The following WDFY4 variants were observed in gnomAD, a reference collection of about 807,000 sequenced individuals.
WDFY4 encodes WDFY family member 4, also known as WD repeat- and FYVE domain-containing protein 4.
Under a neutral mutation model 351.9 loss-of-function variants are expected in WDFY4, and 169 were observed. The observed-to-expected ratio is 0.48, with a 90% CI of 0.42 to 0.55. WDFY4 has a LOEUF of 0.55. Among genes scored for constraint, WDFY4 ranks in the 20% least tolerant of loss-of-function variants. WDFY4 has a pLI of 0.00. For missense variants in WDFY4, 3,803 were observed against 3,935.6 expected, an observed-to-expected ratio of 0.97 and a Z score of 0.90; for synonymous variants, 1,622 against 1,574.6, an observed-to-expected ratio of 1.03 and a Z score of -0.71.
chr10:48,811,708 A>G lies in WDFY4; in HGVS notation c.5214A>G (p.Lys1738=). Residue 1738 remains lysine, a splice_region_variant and synonymous_variant, in exon 30 of 62, where the codon AAA becomes AAG. Coordinates refer to ENST00000325239, the MANE Select transcript of WDFY4 (RefSeq NM_001394531.1). Reference sequence around the variant, plus strand: ...TCACAGAGCTGATGGACGGGCCCAAAGTAGGTTTTCAGAGCACCCACAGGG... The same window carrying G: ...TCACAGAGCTGATGGACGGGCCCAAGGTAGGTTTTCAGAGCACCCACAGGG... ...TPLTELMDGP[K]DSLDAMLQWL... is the part of the protein sequence containing the mutation. 6.4e-7 allele frequency: 1 copy of G among 1,551,578 alleles called. No individual in the cohort carries two copies. The highest frequency in any genetic ancestry group is 1.4e-5 in the African/African-American group (1 of 73,150).
intron 47 of WDFY4, among the ~76,000 whole-genome samples, chr10:48,903,933 C>G (rs1318866683): frequency 6.6e-6 from 1 of 152,130 alleles, no homozygotes; most frequent in African/African-American, 2.4e-5. Context: ...ATGGGCAGAG[C>G]CAGCTGAAGA....
chr10:48,938,224 G>A (rs775928680), intron 47 of WDFY4, among the ~76,000 whole-genome samples: 1 of 152,238 alleles, frequency 6.6e-6, no homozygotes, highest in Non-Finnish European at 1.5e-5. Context: ...AATTTGGAGA[G>A]GCAGCAGGAT....
At chr10:48,827,431 C>T (rs1270200953) in intron 36 of WDFY4, among the ~76,000 whole-genome samples, 1 of 149,978 alleles carries the variant, frequency 6.7e-6, no homozygotes, top group Non-Finnish European at 1.5e-5. Flanking sequence ...CTTGAAGCCC[C>T]AAGTTTGGAA....
chr10:48,876,669 T>A (rs902731378), intron 42 of WDFY4, among the ~76,000 whole-genome samples: 2 of 152,198 alleles, frequency 1.3e-5, no homozygotes, highest in African/African-American at 4.8e-5. Context: ...AAAGAGTGAA[T>A]GAAGTGAAAT....
chr10:48,760,588 A>C (rs1190949605), intron 13 of WDFY4, 148 bp downstream of exon 13: 1 of 764,894 alleles, frequency 1.3e-6, no homozygotes, highest in Non-Finnish European at 2.1e-6. Context: ...CTATAGTGGG[A>C]AAGTACCAGG....
chr10:48,873,742 C>T, intron 41 of WDFY4, 45 bp downstream of exon 41: 1 of 1,539,316 alleles, frequency 6.5e-7, no homozygotes, highest in Non-Finnish European at 8.8e-7. Context: ...CAGGTAGGGC[C>T]TGATAGGAAA....
chr10:48,899,045 A>T lies in WDFY4; in HGVS notation c.7438-1176A>T, dbSNP rs188223033. On this transcript the variant is annotated intron_variant, in intron 45 of 61. Coordinates refer to ENST00000325239, the MANE Select transcript of WDFY4 (RefSeq NM_001394531.1). ...TATGTCTACCTCACATGTTATATAG[A>T]GTAGCAGATAGGTATCAGTCAGTGG... 1.2e-4 allele frequency among the ~76,000 whole-genome samples: 18 copies of T among 152,296 alleles called. No individual in the cohort carries two copies. In the East Asian group the frequency reaches 3.5e-3, roughly 29 times the overall value.
In WDFY4 at chr10:48,805,274, A is replaced by G. The variant is rs1313746578; in HGVS notation, c.4499A>G (p.Asn1500Ser). The change falls in exon 26 of 62, where the codon AAT (asparagine) becomes AGT (serine). Residue 1500 changes from asparagine to serine, a missense_variant. Around this residue, in one of 3 missense-constraint regions of WDFY4, gnomAD observed 3,054 missense variants for 3,148.6 expected, o/e 0.97. Coordinates refer to ENST00000325239, the MANE Select transcript of WDFY4 (RefSeq NM_001394531.1). ...ILQSPREGPR[N>S]AEAAHQAQLI... Reference sequence around the variant, plus strand: ...GTACTCACCAGGGAAGGACCCAGGAATGCTGAAGCTGCCCACCAGGCACAG... The same window carrying G: ...GTACTCACCAGGGAAGGACCCAGGAGTGCTGAAGCTGCCCACCAGGCACAG... 1 of 1,544,554 alleles carries G rather than the reference A, an allele frequency of 6.5e-7. No homozygotes were observed. The highest frequency in any genetic ancestry group is 8.7e-7 in the Non-Finnish European group (1 of 1,146,938).
intron 24 of WDFY4, 53 bp from the exon 25 acceptor site, chr10:48,803,233 A>G (rs986901508): frequency 3.3e-6 from 5 of 1,535,400 alleles, no homozygotes; most frequent in Non-Finnish European, 2.6e-6. Context: ...CTTCCTGCAA[A>G]TCATTCTTCT....
rs189625711 is a variant in WDFY4, at chr10:48,815,495, G to T, written c.5340+1413G>T. Reference sequence around the variant, plus strand: ...CTTTTTTGAGACAGGGTCTTGCTCTGTTGCCCAGGCTGGAGTGCAGTGGTG... The same window carrying T: ...CTTTTTTGAGACAGGGTCTTGCTCTTTTGCCCAGGCTGGAGTGCAGTGGTG... On this transcript the variant is annotated intron_variant, in intron 31 of 61. Coordinates refer to ENST00000325239, the MANE Select transcript of WDFY4 (RefSeq NM_001394531.1). 1.3e-5 allele frequency among the ~76,000 whole-genome samples: 2 copies of T among 151,570 alleles called. 1 individual carries two copies. Among genetic ancestry groups the T allele is most frequent in the South Asian group, 4.2e-4 (2 of 4,790 alleles).
At chr10:48,893,461 G>C (rs1357620006) in intron 44 of WDFY4, among the ~76,000 whole-genome samples, 1 of 152,208 alleles carries the variant, frequency 6.6e-6, no homozygotes, top group East Asian at 1.9e-4. Context: ...GGGAACCTAA[G>C]TCATCCAACA....
chr10:48,935,903 C>CTT (rs11455025), intron 47 of WDFY4, among the ~76,000 whole-genome samples: 57,106 of 149,240 alleles, frequency 0.38, 13,052 homozygotes, highest in Non-Finnish European at 0.51. Flanking sequence ...CATCTATGGT[C>CTT]TTTTTTTTTT....
chr10:48,886,668 A>G (rs1211775336), intron 43 of WDFY4, among the ~76,000 whole-genome samples: 3 of 152,212 alleles, frequency 2.0e-5, no homozygotes, highest in Non-Finnish European at 4.4e-5. Flanking sequence ...ATAAACATTT[A>G]TCTCTATAAA....
At chr10:48,716,351 A>G (rs1290825241) in intron 2 of WDFY4, among the ~76,000 whole-genome samples, 1 of 152,154 alleles carries the variant, frequency 6.6e-6, no homozygotes, top group Non-Finnish European at 1.5e-5. Flanking sequence ...TGGAGACCAG[A>G]GCATCATTTT....
intron 1 of WDFY4, among the ~76,000 whole-genome samples, chr10:48,685,229 T>A (rs1263178511): frequency 2.6e-5 from 4 of 152,124 alleles, no homozygotes; most frequent in African/African-American, 9.7e-5. Flanking sequence ...AGGGCCTGGG[T>A]CTGCCTGAGT....
chr10:48,824,843 A>G (rs532926832), intron 35 of WDFY4, among the ~76,000 whole-genome samples: 9 of 152,126 alleles, frequency 5.9e-5, no homozygotes, highest in Admixed American at 4.6e-4. Context: ...GGGTCTTACT[A>G]TGTTGCTGCC....
intron 47 of WDFY4, among the ~76,000 whole-genome samples, chr10:48,925,741 T>C (rs1438560209): frequency 6.6e-6 from 1 of 151,854 alleles, no homozygotes; most frequent in Non-Finnish European, 1.5e-5. Flanking sequence ...GAAGCAGGGG[T>C]TGGAATCTTA....
At chr10:48,845,952 C>A (rs953827242) in intron 39 of WDFY4, among the ~76,000 whole-genome samples, 2 of 152,180 alleles carry the variant, frequency 1.3e-5, no homozygotes, top group Non-Finnish European at 2.9e-5. Context: ...TGCCAAGAGC[C>A]AGGTCCAGGG....
chr10:48,895,402 G>A (rs998210446), intron 44 of WDFY4, among the ~76,000 whole-genome samples: 5 of 152,206 alleles, frequency 3.3e-5, no homozygotes, highest in Non-Finnish European at 7.3e-5. Context: ...CTTAGGCTGG[G>A]GCTGGCAGGA....
Sources: allele counts gnomAD v4.1 joint callset (sites outside exome capture counted in the v4.1 genomes callset), GRCh38; gene constraint gnomAD v4.1.1; regional missense constraint gnomAD v4.1.1; transcripts MANE v1.5; gene names NCBI Gene and HGNC (gene_info 2026-07-23, HGNC 2026-07-21).